AGL: variants seen among roughly 807,000 people sequenced by gnomAD.
The protein encoded by AGL is amylo-alpha-1,6-glucosidase and 4-alpha-glucanotransferase.
Under a neutral mutation model 199.3 loss-of-function variants are expected in AGL, and 128 were observed. That is an observed-to-expected ratio of 0.64 (90% CI 0.56 to 0.74). The LOEUF is 0.74. AGL is among the 30% of genes least tolerant of loss of function. The probability of loss-of-function intolerance (pLI) is 0.00; values close to 1 mark genes in which losing one functional copy is unlikely to be tolerated. For missense variants in AGL, 1,809 were observed against 1,820.8 expected, an observed-to-expected ratio of 0.99 and a Z score of 0.12; for synonymous variants, 584 against 594.7, an observed-to-expected ratio of 0.98 and a Z score of 0.26.
At chr1:99,875,888 TC>T (rs1186820853) in intron 10 of AGL, among the ~76,000 whole-genome samples, 1 of 152,194 alleles carries the variant, frequency 6.6e-6, no homozygotes, top group African/African-American at 2.4e-5. Context: ...TTATTTTTTT[TC>T]TTTGAGATGG....
intron 21 of AGL, among the ~76,000 whole-genome samples, chr1:99,888,869 T>A (rs1652661775): frequency 6.6e-6 from 1 of 152,214 alleles, no homozygotes; most frequent in Non-Finnish European, 1.5e-5. Flanking sequence ...CTTCTTTAAC[T>A]ATTGCTTTTT....
intron 5 of AGL, among the ~76,000 whole-genome samples, chr1:99,867,463 G>C (rs1191180529): frequency 6.6e-6 from 1 of 152,106 alleles, no homozygotes; most frequent in Non-Finnish European, 1.5e-5. Flanking sequence ...CCCAGCCTGG[G>C]GTTATAGTTT....
In AGL at chr1:99,892,475, G is replaced by GGT; in HGVS notation, c.3128_3129dup (p.Ser1044ValfsTer8). On this transcript the variant is annotated frameshift_variant, in exon 24 of 34. Transcript: ENST00000361915. LOFTEE classifies it high-confidence loss of function. ...AACCTTTGTGAAACACCTTTCATTG[G>GGT]GTTCAGTTCAACTGTGTGGAGTAGG... The GGT allele has an allele frequency of 6.2e-7, 1 of 1,613,492 alleles. No individual in the cohort carries two copies. The highest frequency in any genetic ancestry group is 8.5e-7 in the Non-Finnish European group (1 of 1,179,656).
Position 99,922,515 on chromosome 1 carries a change from A to G in AGL, c.*864A>G, listed in dbSNP as rs919821117. 3 of 151,822 alleles carry G rather than the reference A, an allele frequency of 2.0e-5. No individual in the cohort carries two copies. Among genetic ancestry groups the G allele is most frequent in the African/African-American group, 7.2e-5 (3 of 41,466 alleles). 9.4% of individuals were successfully genotyped at this position (151,822 alleles called of 1,614,324 possible). A position where few individuals can be genotyped will look rare whatever the true frequency, so the allele number is the denominator to read the frequency against. On this transcript the variant is annotated 3_prime_UTR_variant, in exon 34 of 34. Transcript: ENST00000361915. ...CTGGTTTTCTATTAACTCAAAACCT[A>G]CATTGACAAGTTTAACATTGAGAAG...
At chr1:99,863,878 G>A (rs1340516317) in intron 4 of AGL, among the ~76,000 whole-genome samples, 1 of 150,496 alleles carries the variant, frequency 6.6e-6, no homozygotes, top group East Asian at 2.0e-4. Context: ...CTGGGCTCAA[G>A]TAGTCCTCTT....
At chr1:99,909,430 CTCAGT>C (rs1654574042) in intron 27 of AGL, among the ~76,000 whole-genome samples, 1 of 152,160 alleles carries the variant, frequency 6.6e-6, no homozygotes, top group Admixed American at 6.5e-5. Flanking sequence ...CAGGCTTCCA[CTCAGT>C]CTCCACTGAC....
Position 99,923,350 on chromosome 1 carries a change from T to A in AGL, c.*1699T>A, listed in dbSNP as rs1283266204. 1 of 152,134 alleles carries A rather than the reference T, an allele frequency of 6.6e-6. No individual in the cohort carries two copies. The highest frequency in any genetic ancestry group is 1.5e-5 in the Non-Finnish European group (1 of 68,010). The allele number at this position is 152,134 out of a possible 1,614,324, so 9.4% of individuals were successfully genotyped here. On this transcript the variant is annotated 3_prime_UTR_variant, in exon 34 of 34. Transcript: ENST00000361915. ...TGTAGTTTTGTTGCTGTACCCTAAC[T>A]TTGATATTCAGGGAGGTAGGAAAGG...
intron 27 of AGL, among the ~76,000 whole-genome samples, chr1:99,907,402 C>A (rs1034808814): frequency 1.1e-4 from 17 of 152,094 alleles, no homozygotes; most frequent in African/African-American, 3.9e-4. Context: ...GGGAATAATG[C>A]TGCTGTGAAC....
rs1336112019 is a variant in AGL, at chr1:99,870,563, A to G, written c.828A>G (p.Glu276=). The stretch of plus-strand genomic sequence containing the variant: ...AAAAGGGAATACCTGCTTTGATTGA[A>G]AATGATCACCATATGAATGTCAGTA... The part of the protein sequence containing the change: ...YKEKGIPALI[E]NDHHMNSIRK... Residue 276 remains glutamate (E), a synonymous_variant, in exon 6 of 34, where the codon GAA becomes GAG. Coordinates refer to ENST00000361915, the MANE Select transcript of AGL (RefSeq NM_000642.3). 6.2e-7 allele frequency: 1 copy of G among 1,614,074 alleles called. No individual in the cohort carries two copies. The highest frequency in any genetic ancestry group is 8.5e-7 in the Non-Finnish European group (1 of 1,179,960).
chr1:99,910,075 AT>A (rs1449189001), intron 27 of AGL, among the ~76,000 whole-genome samples: 2 of 152,076 alleles, frequency 1.3e-5, no homozygotes, highest in African/African-American at 4.8e-5. Flanking sequence ...TTATTCAATC[AT>A]TTTGTTTTGG....
At chr1:99,851,782 A>G (rs1217764226) in intron 2 of AGL, among the ~76,000 whole-genome samples, 1 of 152,206 alleles carries the variant, frequency 6.6e-6, no homozygotes, top group Non-Finnish European at 1.5e-5. Context: ...ACATTGAAGA[A>G]GTGTAATATA....
chr1:99,879,885 AC>A, intron 12 of AGL, 37 bp from the exon 13 acceptor site: 2 of 1,540,626 alleles, frequency 1.3e-6, no homozygotes, highest in Non-Finnish European at 1.8e-6. Flanking sequence ...TCTTTCTGTT[AC>A]ATTTATTTGT....
intron 24 of AGL, among the ~76,000 whole-genome samples, chr1:99,895,251 T>C (rs184347632): frequency 2.0e-5 from 3 of 152,282 alleles, no homozygotes; most frequent in Admixed American, 6.5e-5. Context: ...GGTTTCACCA[T>C]GTTGGCCAGG....
At chr1:99,894,333 T>C (rs1653141532) in intron 24 of AGL, among the ~76,000 whole-genome samples, 1 of 152,218 alleles carries the variant, frequency 6.6e-6, no homozygotes, top group African/African-American at 2.4e-5. Context: ...TTTTATAGTT[T>C]TGACTTTTTC....
intron 4 of AGL, among the ~76,000 whole-genome samples, chr1:99,863,155 G>T (rs949655968): frequency 2.0e-5 from 3 of 151,934 alleles, no homozygotes; most frequent in Non-Finnish European, 4.4e-5. Flanking sequence ...GGCCAGGCTG[G>T]TCTCAAACTT....
intron 27 of AGL, among the ~76,000 whole-genome samples, chr1:99,903,292 C>G (rs973908654): frequency 2.0e-5 from 3 of 152,158 alleles, no homozygotes; most frequent in Admixed American, 6.5e-5. Context: ...CCCATCCCCC[C>G]ACTCCACAAC....
Position 99,853,955 on chromosome 1 carries a change from C to T in AGL, c.82+2831C>T, listed in dbSNP as rs113617838. Among the ~76,000 whole-genome samples the T allele has an allele frequency of 3.6e-3, 553 of 151,746 alleles. 4 individuals are homozygous for T. The highest frequency in any genetic ancestry group is 0.013 in the African/African-American group (530 of 41,372). ...CTATAATCCCAGCACTTTGGGAGGC[C>T]GAGGCATGTGGGTCACCCCAGGTCA... On this transcript the variant is annotated intron_variant, in intron 2 of 33. Transcript: ENST00000361915.
chr1:99,854,760 T>C (rs1165921943), intron 2 of AGL, among the ~76,000 whole-genome samples: 1 of 132,784 alleles, frequency 7.5e-6, no homozygotes, highest in Non-Finnish European at 1.6e-5. Flanking sequence ...CAAGATGCCG[T>C]CTCAAAAAAA....
chr1:99,907,693 G>GTTTGTTTTTTTTTTT (rs1553191716), intron 27 of AGL, among the ~76,000 whole-genome samples: 5 of 118,944 alleles, frequency 4.2e-5, no homozygotes, highest in South Asian at 2.6e-4. Flanking sequence ...TTTGTTTTTT[G>GTTTGTTTTTTTTTTT]TTTTTTTTGC....
Sources: gnomAD v4.1 joint callset for allele counts (sites outside exome capture counted in the v4.1 genomes callset) on GRCh38, gnomAD v4.1.1 for gene constraint, MANE v1.5 for transcripts, NCBI Gene and HGNC (gene_info 2026-07-23, HGNC 2026-07-21) for gene names.